Variants in DPY19L4 observed in about 807,000 individuals in gnomAD.
DPY19L4 encodes the protein dpy-19 like 4.
DPY19L4 carries 97 observed loss-of-function variants against 102.8 expected under a neutral mutation model. The ratio of observed to expected loss-of-function variants is 0.94; its 90% CI spans 0.80 to 1.12. The LOEUF is 1.12. DPY19L4 is among the 50% of genes most tolerant of loss of function. The pLI, the probability that DPY19L4 is intolerant of heterozygous loss-of-function variation, is 0.00. For missense variants in DPY19L4, 815 were observed against 850.4 expected (o/e 0.96, Z 0.52); for synonymous variants, 252 against 283.1 (o/e 0.89, Z 1.10).
At chr8:94,722,451 T>A (rs1177582359) in intron 1 of DPY19L4, among the ~76,000 whole-genome samples, 1 of 152,126 alleles carries the variant, frequency 6.6e-6, no homozygotes, top group Admixed American at 6.6e-5. Flanking sequence ...GGTTGTAGAA[T>A]TACATATAAT....
At chr8:94,770,635 C>T (rs532793354) in intron 13 of DPY19L4, 64 bp downstream of exon 13, 9 of 1,598,058 alleles carry the variant, frequency 5.6e-6, no homozygotes, top group Non-Finnish European at 6.8e-6. Context: ...CGGTGACTCA[C>T]ACCTGTAATC....
rs189186417 is a variant in DPY19L4 at position 94,730,933 on chromosome 8, C to G, written c.128-3697C>G. On this transcript the variant is annotated intron_variant, in intron 2 of 18. Transcript: ENST00000414645. ...GCTAATTTTGTATTTTTAGTAGAGA[C>G]GGGGTTTCTCCATGTTGGCCAGGCT... Among the ~76,000 whole-genome samples, 92 of 149,078 alleles carry G rather than the reference C, an allele frequency of 6.2e-4. 3 individuals carry two copies. In the East Asian group the frequency reaches 0.018, roughly 29 times the overall value.
chr8:94,755,904 G>T, intron 6 of DPY19L4, 132 bp from the exon 7 acceptor site: 1 of 919,164 alleles, frequency 1.1e-6, no homozygotes, highest in Non-Finnish European at 1.6e-6. Flanking sequence ...AAGGACAATG[G>T]TGGATCTGGC....
Position 94,765,296 on chromosome 8 carries a change from G to A in DPY19L4, c.984G>A (p.Met328Ile), listed in dbSNP as rs1457373500. 6.2e-7 allele frequency: 1 copy of A among 1,601,256 alleles called. No individual in the cohort carries two copies. The highest frequency in any genetic ancestry group is 8.5e-7 in the Non-Finnish European group (1 of 1,176,920). Residue 328 changes from methionine to isoleucine, a missense_variant, in exon 9 of 19, where the codon ATG (methionine) becomes ATA (isoleucine). Transcript: ENST00000414645. ...SPLLSLVAAL[M>I]LAKCLQLNVK... is the part of the protein sequence containing the mutation. ...TATTAAGTTTAGTAGCAGCCTTAAT[G>A]CTTGCTAAGTGCCTTCAGGTAACTA...
chr8:94,765,820 C>A lies in DPY19L4; in HGVS notation c.1101+11C>A, dbSNP rs1331561653. The A allele has an allele frequency of 6.9e-7, 1 of 1,459,142 alleles. No individual in the cohort carries two copies. Among genetic ancestry groups the A allele is most frequent in the Non-Finnish European group, 9.4e-7 (1 of 1,063,652 alleles). The allele number at this position is 1,459,142 out of a possible 1,614,324, so 90.4% of individuals were successfully genotyped here. ...AATATTATAATGAAGGTAAGTAACTCTCTGGGATTCATATAGTAAAACAAA... is the reference window on the plus strand; with the variant it reads ...AATATTATAATGAAGGTAAGTAACTATCTGGGATTCATATAGTAAAACAAA... On this transcript the variant is annotated intron_variant, in intron 10 of 18. Coordinates refer to ENST00000414645, the MANE Select transcript of DPY19L4 (RefSeq NM_181787.3).
rs1313613268 is a variant in DPY19L4 at position 94,765,441 on chromosome 8, T to G, written c.1002+127T>G. 7 of 877,782 alleles carry G rather than the reference T, an allele frequency of 8.0e-6. No individual in the cohort carries two copies. The East Asian group carries it at 1.9e-4, about 23-fold the overall frequency. 54.4% of individuals were successfully genotyped at this position (877,782 alleles called of 1,614,324 possible). A position where few individuals can be genotyped will look rare whatever the true frequency, so the allele number is the denominator to read the frequency against. On this transcript the variant is annotated intron_variant, in intron 9 of 18. Transcript: ENST00000414645. The stretch of plus-strand genomic sequence containing the variant: ...ACCTCTGCCTCCCGGGTTCAAGTGA[T>G]TCTCCTGCCTCAGCCTCCCAAGTAG...
intron 6 of DPY19L4, among the ~76,000 whole-genome samples, chr8:94,740,072 C>T (rs971390079): frequency 2.0e-5 from 3 of 152,274 alleles, no homozygotes. Flanking sequence ...CCACTGCAGG[C>T]ATGAAGCAAG....
intron 2 of DPY19L4, among the ~76,000 whole-genome samples, chr8:94,733,265 C>T (rs1396390748): frequency 1.3e-5 from 2 of 151,432 alleles, no homozygotes; most frequent in South Asian, 2.1e-4. Flanking sequence ...GCTGGGACTA[C>T]AGGCACCTGC....
At chr8:94,770,348 A>T (rs1443860279) in intron 12 of DPY19L4, 104 bp from the exon 13 acceptor site, 1 of 1,245,154 alleles carries the variant, frequency 8.0e-7, no homozygotes, top group Non-Finnish European at 1.1e-6. Context: ...GTTATGACGA[A>T]ATATAAAATT....
At chr8:94,741,150 C>G (rs1811429304) in intron 6 of DPY19L4, among the ~76,000 whole-genome samples, 1 of 152,148 alleles carries the variant, frequency 6.6e-6, no homozygotes, top group Non-Finnish European at 1.5e-5. Flanking sequence ...TGTTCCATGA[C>G]AGTAGAAATT....
At chr8:94,729,528 G>T (rs1048625283) in intron 2 of DPY19L4, among the ~76,000 whole-genome samples, 1 of 143,948 alleles carries the variant, frequency 6.9e-6, no homozygotes, top group Non-Finnish European at 1.5e-5. Flanking sequence ...GAATTCAGGA[G>T]GTGGAGATTG....
intron 6 of DPY19L4, among the ~76,000 whole-genome samples, chr8:94,751,837 T>C (rs563768071): frequency 3.3e-5 from 5 of 152,316 alleles, no homozygotes; most frequent in African/African-American, 1.2e-4. Flanking sequence ...TCTAGAATTA[T>C]ATATTAATGG....
chr8:94,776,026 C>CTTT lies in DPY19L4; in HGVS notation c.1455-1618_1455-1616dup, dbSNP rs1165180641. Among the ~76,000 whole-genome samples the CTTT allele has an allele frequency of 4.8e-3, 389 of 81,536 alleles. 1 individual carries two copies. The highest frequency in any genetic ancestry group is 9.0e-3 in the African/African-American group (183 of 20,266). 53.5% of individuals were successfully genotyped at this position (81,536 alleles called of 152,430 possible). A position where few individuals can be genotyped will look rare whatever the true frequency, so the allele number is the denominator to read the frequency against. ...TAATTTAAGAGTTCAATTTTTAAAT[C>CTTT]TTTTTTTTTTTTTTTTTTTTTTTTG... On this transcript the variant is annotated intron_variant, in intron 13 of 18. Coordinates refer to ENST00000414645, the MANE Select transcript of DPY19L4 (RefSeq NM_181787.3).
At chr8:94,758,067 C>T (rs1812240610) in intron 7 of DPY19L4, among the ~76,000 whole-genome samples, 2 of 152,044 alleles carry the variant, frequency 1.3e-5, no homozygotes, top group Non-Finnish European at 1.5e-5. Flanking sequence ...GCTGAGATCA[C>T]ACCACTGCAC....
intron 13 of DPY19L4, among the ~76,000 whole-genome samples, chr8:94,775,244 T>C (rs1813124695): frequency 6.6e-6 from 1 of 151,818 alleles, no homozygotes; most frequent in African/African-American, 2.4e-5. Context: ...CCATCTCGAC[T>C]CACTGTAACC....
At chr8:94,734,982 T>A (rs1157357005) in intron 3 of DPY19L4, among the ~76,000 whole-genome samples, 1 of 152,222 alleles carries the variant, frequency 6.6e-6, no homozygotes, top group Non-Finnish European at 1.5e-5. Context: ...TATCAGGGAC[T>A]TTTGATGACA....
At position 94,787,776 on chromosome 8, in the gene DPY19L4, C is replaced by T. The variant is rs753100553; in HGVS notation, c.1849-118C>T. ...AATAAATATATTTTTCATATATAAT[C>T]GTACTTAGAACACAGTAGATGCTTG... On this transcript the variant is annotated intron_variant, in intron 17 of 18. Coordinates refer to ENST00000414645, the MANE Select transcript of DPY19L4 (RefSeq NM_181787.3). 2.1e-4 allele frequency: 71 copies of T among 332,072 alleles called. 2 individuals carry two copies. Among genetic ancestry groups the T allele is most frequent in the South Asian group, 4.1e-4 (3 of 7,298 alleles). 20.6% of individuals were successfully genotyped at this position (332,072 alleles called of 1,614,324 possible). A position where few individuals can be genotyped will look rare whatever the true frequency, so the allele number is the denominator to read the frequency against.
intron 14 of DPY19L4, among the ~76,000 whole-genome samples, chr8:94,779,321 C>CTT (rs745357638): frequency 1.4e-5 from 2 of 142,094 alleles, no homozygotes; most frequent in Non-Finnish European, 3.1e-5. Flanking sequence ...TTTCTTTTCT[C>CTT]TTTTTTTTTT....
chr8:94,756,126 C>G lies in DPY19L4; in HGVS notation c.702C>G (p.Gly234=), dbSNP rs73697017. 4.6e-3 allele frequency: 7,464 copies of G among 1,613,660 alleles called. 317 individuals carry two copies. The African/African-American group carries it at 0.087, about 19-fold the overall frequency. Reference sequence around the variant, plus strand: ...CATGCCAAATTGCTGCACTTACAGGCTATTTAAAAAGCAACTTAAATACTT... The same window carrying G: ...CATGCCAAATTGCTGCACTTACAGGGTATTTAAAAAGCAACTTAAATACTT... ...YFACQIAALT[G]YLKSNLNTYG... The change falls in exon 7 of 19, where the codon GGC becomes GGG. Residue 234 remains glycine (G), a synonymous_variant. Transcript: ENST00000414645.
Sources: gnomAD v4.1 joint callset for allele counts (sites outside exome capture counted in the v4.1 genomes callset) on GRCh38, gnomAD v4.1.1 for gene constraint, MANE v1.5 for transcripts, NCBI Gene and HGNC (gene_info 2026-07-23, HGNC 2026-07-21) for gene names.